The following TPO variants were observed in gnomAD, a reference collection of about 807,000 sequenced individuals.
The protein encoded by TPO is thyroid microsomal antigen.
TPO carries 78 observed loss-of-function variants against 96.9 expected under a neutral mutation model. That is an observed-to-expected ratio of 0.81 (90% CI 0.67 to 0.97). TPO has a LOEUF of 0.97. Ranked by LOEUF, TPO falls within the 50% of genes least tolerant of loss-of-function variation. The pLI is 0.00. For missense variants in TPO, 1,252 were observed against 1,274.8 expected (o/e 0.98, Z 0.27); for synonymous variants, 547 against 538.0 (o/e 1.02, Z -0.23).
At chr2:1,524,419 TTGTGTGCAACCCCCCCAAATCCCCCCAC>T (rs1675940117) in intron 15 of TPO, among the ~76,000 whole-genome samples, 3 of 35,240 alleles carry the variant, frequency 8.5e-5, no homozygotes, top group African/African-American at 3.8e-4. Context: ...TTCCCTCCCA[TTGTGTGCAACCCCCCCAAATCCCCCCAC>T]TGTGTGCAAC....
intron 7 of TPO, among the ~76,000 whole-genome samples, chr2:1,472,782 G>T (rs539260703): frequency 1.6e-5 from 2 of 124,870 alleles, no homozygotes; most frequent in Non-Finnish European, 3.1e-5. Context: ...ATCCACACTG[G>T]CAACAGCCTT....
chr2:1,458,107 C>T (rs1228010414), intron 7 of TPO, among the ~76,000 whole-genome samples: 2 of 137,294 alleles, frequency 1.5e-5, no homozygotes, highest in African/African-American at 5.6e-5. Flanking sequence ...GTTTATGGCA[C>T]ATAAGATAGT....
chr2:1,504,784 A>T (rs1301839470), intron 14 of TPO, among the ~76,000 whole-genome samples: 1 of 152,080 alleles, frequency 6.6e-6, no homozygotes, highest in African/African-American at 2.4e-5. Flanking sequence ...TCACACAGCC[A>T]CTCCGTAGCT....
At chr2:1,434,633 C>T (rs1665371265) in intron 4 of TPO, among the ~76,000 whole-genome samples, 1 of 152,168 alleles carries the variant, frequency 6.6e-6, no homozygotes, top group Admixed American at 6.5e-5. Context: ...TCTTTCTGGT[C>T]CATGCCTTAG....
In TPO at chr2:1,484,623, A is replaced by C; in HGVS notation, c.1366A>C (p.Arg456=). ...QIITLRDYIP[R]ILGPEAFQQY... is the part of the protein sequence containing the mutation. ...CATCACCCTGAGGGATTACATCCCC[A>C]GGATCCTGGGACCCGAGGCCTTCCA... is the stretch of plus-strand genomic sequence containing the variant. Residue 456 remains arginine (R), a synonymous_variant, in exon 9 of 17, where the codon AGG becomes CGG. Transcript: ENST00000329066. 1 of 1,614,112 alleles carries C rather than the reference A, an allele frequency of 6.2e-7. No homozygotes were observed. The highest frequency in any genetic ancestry group is 8.5e-7 in the Non-Finnish European group (1 of 1,180,030).
At chr2:1,525,031 A>C (rs1349448770) in intron 15 of TPO, among the ~76,000 whole-genome samples, 5 of 26,226 alleles carry the variant, frequency 1.9e-4, no homozygotes, top group African/African-American at 3.0e-4. Flanking sequence ...AAATCCCCCA[A>C]CTCTGTGCAA....
intron 13 of TPO, 31 bp from the exon 14 acceptor site, chr2:1,503,915 CCT>C (rs1429996269): frequency 1.2e-6 from 2 of 1,614,024 alleles, no homozygotes; most frequent in East Asian, 2.2e-5. Flanking sequence ...GCAGCCGCTT[CCT>C]CTCACGTGTG....
chr2:1,529,137 C>G (rs1677368920), intron 15 of TPO, among the ~76,000 whole-genome samples: 1 of 115,902 alleles, frequency 8.6e-6, no homozygotes, highest in African/African-American at 3.6e-5. Flanking sequence ...CCCGAATCCC[C>G]CCACTGTGTG....
intron 5 of TPO, among the ~76,000 whole-genome samples, chr2:1,450,649 C>A (rs193176216): frequency 1.3e-5 from 2 of 152,134 alleles, no homozygotes; most frequent in Non-Finnish European, 2.9e-5. Context: ...CCGTGAAGGT[C>A]AGGTGACACA....
intron 3 of TPO, among the ~76,000 whole-genome samples, chr2:1,429,829 C>G (rs1359093100): frequency 6.6e-6 from 1 of 152,166 alleles, no homozygotes; most frequent in Non-Finnish European, 1.5e-5. Flanking sequence ...AAGGGGTGGT[C>G]TGGCTTCTTC....
chr2:1,388,015 C>A (rs10197303), intron 1 of TPO, among the ~76,000 whole-genome samples: 8,783 of 152,190 alleles, frequency 0.058, 670 homozygotes, highest in East Asian at 0.31. Context: ...GCAGAGGCTG[C>A]AGAACAGTGA....
chr2:1,495,893 G>C, intron 11 of TPO, 96 bp from the exon 12 acceptor site: 1 of 1,387,488 alleles, frequency 7.2e-7, no homozygotes, highest in Non-Finnish European at 1.0e-6. Context: ...CCGCAGGAGA[G>C]GCTGGCAGCA....
intron 7 of TPO, among the ~76,000 whole-genome samples, chr2:1,463,875 G>A (rs1668663523): frequency 6.6e-6 from 1 of 152,172 alleles, no homozygotes; most frequent in African/African-American, 2.4e-5. Flanking sequence ...TGGAGTTAGT[G>A]GGTTATGAAT....
At chr2:1,518,447 G>C (rs1474231648) in intron 15 of TPO, among the ~76,000 whole-genome samples, 1 of 152,166 alleles carries the variant, frequency 6.6e-6, no homozygotes, top group East Asian at 1.9e-4. Context: ...TCACTTGTAA[G>C]GGAAGACTCT....
In TPO at chr2:1,477,579, G is replaced by A. The variant is rs1210957618; in HGVS notation, c.1313G>A (p.Arg438His). Residue 438 changes from arginine (R) to histidine (H), a missense_variant, in exon 8 of 17, where the codon CGC (arginine) becomes CAC (histidine). Physicochemically the swap from Arg to His is conservative, Grantham distance 29 (BLOSUM62 0). Transcript: ENST00000329066. Reference protein sequence around the residue: ...WSADAVYQEARKVVGALHQII... With the variant: ...WSADAVYQEAHKVVGALHQII... ...GCGGACGCCGTGTACCAGGAGGCGCGCAAGGTCGTGGGCGCTCTGCACCAG... is the reference window on the plus strand; with the variant it reads ...GCGGACGCCGTGTACCAGGAGGCGCACAAGGTCGTGGGCGCTCTGCACCAG... 35 of 1,536,306 alleles carry A rather than the reference G, an allele frequency of 2.3e-5. No homozygotes were observed. The highest frequency in any genetic ancestry group is 2.8e-5 in the African/African-American group (2 of 71,890).
intron 5 of TPO, among the ~76,000 whole-genome samples, chr2:1,442,237 C>A (rs1666269907): frequency 6.6e-6 from 1 of 152,110 alleles, no homozygotes; most frequent in African/African-American, 2.4e-5. Flanking sequence ...TAGGGGAGGG[C>A]TACTGAAGAA....
chr2:1,523,816 CCACT>C (rs1675767862), intron 15 of TPO, among the ~76,000 whole-genome samples: 1 of 130,246 alleles, frequency 7.7e-6, no homozygotes, highest in Non-Finnish European at 1.6e-5. Context: ...CCAAATCCCC[CCACT>C]GTGAGCAAAC....
At chr2:1,380,393 CAA>C (rs35109677) in intron 1 of TPO, among the ~76,000 whole-genome samples, 29,331 of 94,476 alleles carry the variant, frequency 0.31, 2,757 homozygotes, top group East Asian at 0.4. Flanking sequence ...GACTCTGTCT[CAA>C]AAAAAAAAAA....
intron 2 of TPO, among the ~76,000 whole-genome samples, chr2:1,422,302 C>A (rs1041128862): frequency 1.7e-5 from 1 of 60,016 alleles, no homozygotes; most frequent in African/African-American, 7.9e-5. Context: ...ACCCCGCAGG[C>A]GCCTCTCCTG....
Sources: gnomAD v4.1 joint callset for allele counts (sites outside exome capture counted in the v4.1 genomes callset) on GRCh38, gnomAD v4.1.1 for gene constraint, MANE v1.5 for transcripts, NCBI Gene and HGNC (gene_info 2026-07-23, HGNC 2026-07-21) for gene names.